The following PLAC8L1 variants were observed in gnomAD, a reference collection of about 807,000 sequenced individuals.
PLAC8L1 encodes the protein PLAC8-like protein 1.
Under a neutral mutation model 16.3 loss-of-function variants are expected in PLAC8L1, and 13 were observed. The observed-to-expected ratio is 0.80, with a 90% CI of 0.52 to 1.27. PLAC8L1 has a LOEUF of 1.27. Among genes scored for constraint, PLAC8L1 ranks in the 50% most tolerant of loss-of-function variants. The pLI, the probability that PLAC8L1 is intolerant of heterozygous loss-of-function variation, is 0.00. For missense variants in PLAC8L1, 184 were observed against 220.2 expected (o/e 0.84, Z 1.04); for synonymous variants, 78 against 79.3 (o/e 0.98, Z 0.09).
intron 2 of PLAC8L1, among the ~76,000 whole-genome samples, chr5:146,092,080 T>C (rs889178886): frequency 2.0e-5 from 3 of 152,032 alleles, no homozygotes; most frequent in Non-Finnish European, 2.9e-5. Flanking sequence ...TTCTAACTCA[T>C]AGGAGAGTCA....
In PLAC8L1 at chr5:146,102,213, G is replaced by A. The variant is rs937252007; in HGVS notation, c.119+1980C>T. On this transcript the variant is annotated intron_variant, in intron 1 of 3. Transcript: ENST00000311450. ...TGGGACCACAGGCACATGCCACCAT[G>A]CCCAGCTAATTTTTTTTAATTTTTT... Among the ~76,000 whole-genome samples, 3 of 151,792 alleles carry A rather than the reference G, an allele frequency of 2.0e-5. No individual in the cohort carries two copies. In the South Asian group the frequency reaches 6.2e-4, roughly 31 times the overall value.
intron 3 of PLAC8L1, 155 bp from the exon 4 acceptor site, chr5:146,084,727 G>T: frequency 1.1e-6 from 1 of 934,644 alleles, no homozygotes; most frequent in Non-Finnish European, 1.5e-6. Context: ...AGTTGCATAA[G>T]TGCCAAGCAG....
At chr5:146,097,076 C>A (rs1763729392) in intron 2 of PLAC8L1, among the ~76,000 whole-genome samples, 1 of 152,200 alleles carries the variant, frequency 6.6e-6, no homozygotes, top group East Asian at 1.9e-4. Flanking sequence ...ACTTAAGAGA[C>A]TAACCCTCAT....
intron 1 of PLAC8L1, 148 bp downstream of exon 1, chr5:146,104,045 C>T (rs1034228664): frequency 1.4e-5 from 20 of 1,398,684 alleles, no homozygotes; most frequent in Non-Finnish European, 1.8e-5. Context: ...AATCAGTTGC[C>T]CTCTTTTCAA....
chr5:146,102,187 C>G (rs1458031818), intron 1 of PLAC8L1, among the ~76,000 whole-genome samples: 5 of 152,148 alleles, frequency 3.3e-5, no homozygotes, highest in African/African-American at 4.8e-5. Context: ...TCTCAAGTAG[C>G]TGGGACCACA....
intron 2 of PLAC8L1, among the ~76,000 whole-genome samples, chr5:146,094,770 C>G (rs1763683028): frequency 6.6e-6 from 1 of 152,170 alleles, no homozygotes; most frequent in African/African-American, 2.4e-5. Context: ...TACATAATTA[C>G]AATAAAATGA....
At chr5:146,086,093 G>A (rs1358901126) in intron 2 of PLAC8L1, among the ~76,000 whole-genome samples, 2 of 141,238 alleles carry the variant, frequency 1.4e-5, no homozygotes, top group South Asian at 2.2e-4. Flanking sequence ...GCAGTGGCGG[G>A]ATCTCGGCTC....
chr5:146,095,300 A>G (rs975085534), intron 2 of PLAC8L1, among the ~76,000 whole-genome samples: 1 of 152,154 alleles, frequency 6.6e-6, no homozygotes, highest in African/African-American at 2.4e-5. Context: ...ATTTCTCCCC[A>G]TATCCTTTTT....
At position 146,085,582 on chromosome 5, in the gene PLAC8L1, A is replaced by G; in HGVS notation, c.272T>C (p.Phe91Ser). Reference protein sequence around the residue: ...RDRRICFCGLFCPMCLECDIA... With the variant: ...RDRRICFCGLSCPMCLECDIA... ...GTCACACTCAAGACACATAGGACAG[A>G]ATAGACCACAGAAACCTGTCAATAA... Residue 91 changes from phenylalanine to serine, a missense_variant, in exon 3 of 4, where the codon TTC (phenylalanine) becomes TCC (serine). Coordinates refer to ENST00000311450, the MANE Select transcript of PLAC8L1 (RefSeq NM_001029869.3). 1 of 1,613,552 alleles carries G rather than the reference A, an allele frequency of 6.2e-7. No homozygotes were observed. The highest frequency in any genetic ancestry group is 2.2e-5 in the East Asian group (1 of 44,884).
intron 2 of PLAC8L1, among the ~76,000 whole-genome samples, chr5:146,094,254 G>A (rs34516108): frequency 0.22 from 33,883 of 151,970 alleles, 4,837 homozygotes; most frequent in Admixed American, 0.34. Flanking sequence ...AGCTAATTTT[G>A]TATTTTCAGT....
intron 2 of PLAC8L1, among the ~76,000 whole-genome samples, chr5:146,093,222 A>T (rs1456723575): frequency 6.6e-6 from 1 of 152,240 alleles, no homozygotes; most frequent in East Asian, 1.9e-4. Context: ...GTATAAGTAT[A>T]TAGACTATAT....
intron 2 of PLAC8L1, 149 bp from the exon 3 acceptor site, chr5:146,085,746 A>C: frequency 1.1e-6 from 1 of 921,438 alleles, no homozygotes; most frequent in South Asian, 3.2e-5. Flanking sequence ...AATTCCCAAA[A>C]CTCATTGTAT....
Position 146,098,255 on chromosome 5 carries a change from C to T in PLAC8L1, c.157G>A (p.Val53Ile). 1.2e-6 allele frequency: 2 copies of T among 1,614,198 alleles called. No individual in the cohort carries two copies. Among genetic ancestry groups the T allele is most frequent in the Non-Finnish European group, 8.5e-7 (1 of 1,180,036 alleles). ...VPASAVVKQP[V>I]RGASGRTTIT... ...GTCGTCCTGCCACTGGCTCCCCGAA[C>T]AGGCTGCTTCACCACAGCGCTGGCT... The change falls in exon 2 of 4, where the codon GTT (valine) becomes ATT (isoleucine). Residue 53 changes from valine to isoleucine, a missense_variant. By Grantham distance (29) the Val-to-Ile change is conservative. Transcript: ENST00000311450.
chr5:146,097,547 T>C lies in PLAC8L1; in HGVS notation c.256+609A>G, dbSNP rs539768577. Among the ~76,000 whole-genome samples, 3 of 152,390 alleles carry C rather than the reference T, an allele frequency of 2.0e-5. No homozygotes were observed. The East Asian group carries it at 5.8e-4, about 29-fold the overall frequency. ...CTCTCCAAAAACACGGTATCTACTG[T>C]GCACAGTTTTGCAATGTGTTTCTTT... On this transcript the variant is annotated intron_variant, in intron 2 of 3. Transcript: ENST00000311450.
chr5:146,084,631 G>A, intron 3 of PLAC8L1, 59 bp from the exon 4 acceptor site: 1 of 1,599,088 alleles, frequency 6.3e-7, no homozygotes, highest in South Asian at 1.1e-5. Context: ...TTCTTCCCCA[G>A]GGTCCTGTAC....
chr5:146,093,352 T>G (rs538891550), intron 2 of PLAC8L1, among the ~76,000 whole-genome samples: 2 of 152,334 alleles, frequency 1.3e-5, no homozygotes, highest in African/African-American at 4.8e-5. Context: ...TTCTGCATTA[T>G]GTGCATGGCA....
At chr5:146,098,068 T>A in intron 2 of PLAC8L1, 88 bp downstream of exon 2, 6 of 1,396,238 alleles carry the variant, frequency 4.3e-6, no homozygotes, top group Non-Finnish European at 5.9e-6. Context: ...TTAATTTCTG[T>A]CCTTGTGCCT....
intron 1 of PLAC8L1, chr5:146,103,693 T>G: frequency 1.0e-6 from 1 of 985,390 alleles, no homozygotes; most frequent in East Asian, 1.1e-4. Flanking sequence ...TACTTTTCCC[T>G]CTTTTTGACC....
chr5:146,098,415 A>G (rs764730247), intron 1 of PLAC8L1, 123 bp from the exon 2 acceptor site: 1 of 926,132 alleles, frequency 1.1e-6, no homozygotes, highest in Non-Finnish European at 1.5e-6. Flanking sequence ...CTCATAGCCC[A>G]AATCGACTTT....
Sources: gnomAD v4.1 joint callset for allele counts (sites outside exome capture counted in the v4.1 genomes callset) on GRCh38, gnomAD v4.1.1 for gene constraint, MANE v1.5 for transcripts, NCBI Gene and HGNC (gene_info 2026-07-23, HGNC 2026-07-21) for gene names.